Variants in NTM observed in about 807,000 individuals in gnomAD.
NTM encodes the protein neurotrimin.
A neutral mutation model predicts 42.1 loss-of-function variants in NTM; 13 were observed. The ratio of observed to expected loss-of-function variants is 0.31; its 90% confidence interval spans 0.20 to 0.49. NTM has a LOEUF of 0.49. Among genes scored for constraint, NTM ranks in the 20% least tolerant of loss-of-function variants. The pLI is 0.99. For synonymous variants in NTM, 187 were observed against 179.2 expected, an observed-to-expected ratio of 1.04 and a Z score of -0.35; for missense variants, 373 against 452.8, an observed-to-expected ratio of 0.82 and a Z score of 1.60.
At chr11:131,730,457 A>T (rs1049574313) in intron 1 of NTM, among the ~76,000 whole-genome samples, 1 of 152,132 alleles carries the variant, frequency 6.6e-6, no homozygotes, top group Non-Finnish European at 1.5e-5. Context: ...GCTCACATCT[A>T]TAGCTCCAGC....
At chr11:131,959,804 T>C (rs540871811) in intron 2 of NTM, among the ~76,000 whole-genome samples, 1 of 152,326 alleles carries the variant, frequency 6.6e-6, no homozygotes, top group African/African-American at 2.4e-5. Flanking sequence ...TTCTACAGTA[T>C]TGACCTCAAC....
At chr11:132,009,680 T>G (rs930231690) in intron 2 of NTM, among the ~76,000 whole-genome samples, 1 of 152,230 alleles carries the variant, frequency 6.6e-6, no homozygotes, top group African/African-American at 2.4e-5. Flanking sequence ...TAAGACTGCT[T>G]CCAAGGAAAG....
At position 131,564,961 on chromosome 11, in the gene NTM, C is replaced by T. The variant is rs530376052; in HGVS notation, c.82+194073C>T. 3.3e-5 allele frequency among the ~76,000 whole-genome samples: 5 copies of T among 152,362 alleles called. No individual in the cohort carries two copies. The South Asian group carries it at 8.3e-4, about 25-fold the overall frequency. On this transcript the variant is annotated intron_variant, in intron 1 of 8. Coordinates refer to ENST00000683400, the MANE Select transcript of NTM (RefSeq NM_001352005.2). ...CTGCCCAGGCCGCAAAGCCCTTTCC[C>T]TTGCTGTGTTTCTAGTACCTGTCAC...
intron 1 of NTM, among the ~76,000 whole-genome samples, chr11:131,428,556 C>A (rs532117474): frequency 6.6e-6 from 1 of 152,144 alleles, no homozygotes; most frequent in African/African-American, 2.4e-5. Flanking sequence ...CACTCCCACA[C>A]GACATGCTTC....
At chr11:132,111,063 C>CAAAAAAAAAAAAAA (rs57458373) in intron 2 of NTM, among the ~76,000 whole-genome samples, 5 of 35,466 alleles carry the variant, frequency 1.4e-4, no homozygotes, top group Non-Finnish European at 1.9e-4. Flanking sequence ...GGCCCTATCT[C>CAAAAAAAAAAAAAA]AAAAAAAAAA....
intron 1 of NTM, among the ~76,000 whole-genome samples, chr11:131,482,213 C>G (rs970634537): frequency 2.0e-5 from 3 of 152,146 alleles, no homozygotes; most frequent in Non-Finnish European, 2.9e-5. Flanking sequence ...GCCTCAGGAC[C>G]AAGGGTAATG....
intron 1 of NTM, among the ~76,000 whole-genome samples, chr11:131,691,779 G>T (rs2074787266): frequency 6.6e-6 from 1 of 152,226 alleles, no homozygotes; most frequent in Non-Finnish European, 1.5e-5. Flanking sequence ...CGGTCCCGGG[G>T]CTGGGAGGGA....
intron 4 of NTM, among the ~76,000 whole-genome samples, chr11:132,226,889 G>A (rs1246861016): frequency 1.3e-5 from 2 of 152,206 alleles, no homozygotes; most frequent in Non-Finnish European, 2.9e-5. Context: ...TGGGCTGCTG[G>A]TGTATACCAT....
At chr11:132,072,122 G>A (rs1291087838) in intron 2 of NTM, among the ~76,000 whole-genome samples, 2 of 152,148 alleles carry the variant, frequency 1.3e-5, no homozygotes, top group African/African-American at 4.8e-5. Context: ...GATGAGGCAG[G>A]CAGCATAACT....
At chr11:131,962,220 G>C (rs1186135041) in intron 2 of NTM, among the ~76,000 whole-genome samples, 1 of 152,170 alleles carries the variant, frequency 6.6e-6, no homozygotes. Context: ...CTTTAAAGCA[G>C]TTGAGGTCAG....
rs117046625 is a variant in NTM at position 132,309,033 on chromosome 11, T to C, written c.662-1079T>C. Reference sequence around the variant, plus strand: ...TTTAAGATTTATGTTGTCCATAAGATAAAAGCAAATTAGTTGCTTGGGAGA... The same window carrying C: ...TTTAAGATTTATGTTGTCCATAAGACAAAAGCAAATTAGTTGCTTGGGAGA... On this transcript the variant is annotated intron_variant, in intron 5 of 8. Coordinates refer to ENST00000683400, the MANE Select transcript of NTM (RefSeq NM_001352005.2). Among the ~76,000 whole-genome samples, 276 of 152,324 alleles carry C rather than the reference T, an allele frequency of 1.8e-3. 1 individual carries two copies. In the Middle Eastern group the frequency reaches 0.024, roughly 13 times the overall value.
At chr11:132,020,014 G>C (rs780638386) in intron 2 of NTM, among the ~76,000 whole-genome samples, 2 of 151,838 alleles carry the variant, frequency 1.3e-5, no homozygotes, top group African/African-American at 2.4e-5. Context: ...ATTCCCCCAT[G>C]TCTATTATTC....
At chr11:131,558,188 T>G (rs553662098) in intron 1 of NTM, among the ~76,000 whole-genome samples, 9 of 152,154 alleles carry the variant, frequency 5.9e-5, no homozygotes, top group Non-Finnish European at 1.2e-4. Flanking sequence ...CTTCTTTCCT[T>G]TGGAAGTTCT....
At chr11:132,102,011 T>A (rs1217487175) in intron 2 of NTM, among the ~76,000 whole-genome samples, 1 of 152,202 alleles carries the variant, frequency 6.6e-6, no homozygotes, top group Admixed American at 6.5e-5. Context: ...TGCTGGAAGG[T>A]AGAATTGCAA....
intron 1 of NTM, among the ~76,000 whole-genome samples, chr11:131,438,997 A>T (rs183422630): frequency 6.6e-6 from 1 of 152,162 alleles, no homozygotes; most frequent in Non-Finnish European, 1.5e-5. Context: ...GTTGATGCTG[A>T]TGCTATTCTT....
In NTM at chr11:131,873,586, C is replaced by CA. The variant is rs374130112; in HGVS notation, c.83-37978_83-37977insA. On this transcript the variant is annotated intron_variant, in intron 1 of 8. Transcript: ENST00000683400. ...CCGTATATATATACATATATATATACCGTATATATATACATATATATATAC... is the reference window on the plus strand; with the variant it reads ...CCGTATATATATACATATATATATACACGTATATATATACATATATATATAC... 1.1e-3 allele frequency among the ~76,000 whole-genome samples: 46 copies of CA among 40,000 alleles called. 2 individuals are homozygous for CA. Among genetic ancestry groups the CA allele is most frequent in the African/African-American group, 2.2e-3 (42 of 18,860 alleles). 26.2% of individuals were successfully genotyped at this position (40,000 alleles called of 152,430 possible).
At chr11:131,977,556 C>G (rs1392997668) in intron 2 of NTM, among the ~76,000 whole-genome samples, 3 of 152,180 alleles carry the variant, frequency 2.0e-5, no homozygotes, top group African/African-American at 7.2e-5. Context: ...AAGGTCTTGC[C>G]AGCTCATTGA....
chr11:131,399,190 GT>G (rs1298913630), intron 1 of NTM, among the ~76,000 whole-genome samples: 1 of 152,182 alleles, frequency 6.6e-6, no homozygotes, highest in Non-Finnish European at 1.5e-5. Flanking sequence ...AGCATCCTTA[GT>G]TTGCTGCCAG....
chr11:131,972,636 T>G (rs893673110), intron 2 of NTM, among the ~76,000 whole-genome samples: 8 of 152,206 alleles, frequency 5.3e-5, no homozygotes, highest in Non-Finnish European at 1.0e-4. Context: ...TTTCTGTGTT[T>G]CTGCTTTGGC....
Sources: gnomAD v4.1 joint callset for allele counts (sites outside exome capture counted in the v4.1 genomes callset) on GRCh38, gnomAD v4.1.1 for gene constraint, MANE v1.5 for transcripts, NCBI Gene and HGNC (gene_info 2026-07-23, HGNC 2026-07-21) for gene names.